The following UST variants were observed in gnomAD, a reference collection of about 807,000 sequenced individuals.
UST encodes uronyl 2-sulfotransferase, also known as chondroitin sulfate 2-O-sulfotransferase.
UST carries 21 observed loss-of-function variants against 45.6 expected under a neutral mutation model. That is an observed-to-expected ratio of 0.46 (90% CI 0.33 to 0.66). The LOEUF is 0.66. Ranked by LOEUF, UST falls within the 30% of genes least tolerant of loss-of-function variation. The probability of loss-of-function intolerance (pLI) is 0.02; values close to 1 mark genes in which losing one functional copy is unlikely to be tolerated. For synonymous variants in UST, 215 were observed against 200.6 expected (o/e 1.07, Z -0.61); for missense variants, 463 against 512.4 (o/e 0.90, Z 0.93).
chr6:149,056,181 G>GTGATC (rs10526753), intron 7 of UST, among the ~76,000 whole-genome samples: 91,621 of 137,672 alleles, frequency 0.67, 30,898 homozygotes, highest in African/African-American at 0.82. Flanking sequence ...GTGCGGTGGC[G>GTGATC]TTAGCTCACT....
intron 1 of UST, among the ~76,000 whole-genome samples, chr6:148,826,707 A>T (rs558759094): frequency 6.6e-6 from 1 of 152,202 alleles, no homozygotes; most frequent in Admixed American, 6.5e-5. Context: ...TCCACATACC[A>T]TGGGCTAAAA....
intron 1 of UST, among the ~76,000 whole-genome samples, chr6:148,875,483 T>C (rs2114822306): frequency 6.6e-6 from 1 of 152,334 alleles, no homozygotes; most frequent in South Asian, 2.1e-4. Flanking sequence ...CTTTTGATTT[T>C]GTGAATAATA....
rs147004428 is a variant in UST at position 148,886,681 on chromosome 6, A to G, written c.248-305A>G. Among the ~76,000 whole-genome samples the G allele has an allele frequency of 4.6e-5, 7 of 152,288 alleles. No individual in the cohort carries two copies. The East Asian group carries it at 1.2e-3, about 25-fold the overall frequency. ...GAAGTACAATAACATTTGAGTACCAATGGTCTAAGCTAAACTCAGCAGATA... is the reference window on the plus strand; with the variant it reads ...GAAGTACAATAACATTTGAGTACCAGTGGTCTAAGCTAAACTCAGCAGATA... On this transcript the variant is annotated intron_variant, in intron 1 of 7. Transcript: ENST00000367463.
At chr6:148,788,242 C>T (rs1181286998) in intron 1 of UST, among the ~76,000 whole-genome samples, 2 of 152,050 alleles carry the variant, frequency 1.3e-5, no homozygotes, top group Non-Finnish European at 2.9e-5. Flanking sequence ...CAATTGTCTC[C>T]CTCTGGGTCC....
At chr6:148,911,208 T>G (rs1779468083) in intron 2 of UST, among the ~76,000 whole-genome samples, 1 of 152,128 alleles carries the variant, frequency 6.6e-6, no homozygotes, top group Non-Finnish European at 1.5e-5. Context: ...TCTGAGAAGG[T>G]CACTCAGTCA....
intron 7 of UST, among the ~76,000 whole-genome samples, chr6:149,033,295 C>T (rs965042701): frequency 1.3e-5 from 2 of 152,164 alleles, no homozygotes; most frequent in Non-Finnish European, 2.9e-5. Flanking sequence ...CCTGCCGGGG[C>T]GAAGTACAAT....
chr6:148,911,523 A>G (rs1779474909), intron 2 of UST, among the ~76,000 whole-genome samples: 1 of 152,026 alleles, frequency 6.6e-6, no homozygotes, highest in Admixed American at 6.5e-5. Flanking sequence ...ATTCTTAGCA[A>G]TCTTTGGTTC....
intron 1 of UST, among the ~76,000 whole-genome samples, chr6:148,768,138 C>G (rs986414775): frequency 6.6e-6 from 1 of 152,104 alleles, no homozygotes; most frequent in Admixed American, 6.5e-5. Flanking sequence ...TTTGCCTATA[C>G]CCTTAAAAAC....
intron 1 of UST, among the ~76,000 whole-genome samples, chr6:148,756,076 A>C (rs1776092509): frequency 7.4e-6 from 1 of 134,568 alleles, no homozygotes; most frequent in Non-Finnish European, 1.5e-5. Context: ...CTCATTGTTC[A>C]ATTCCCACCT....
intron 1 of UST, among the ~76,000 whole-genome samples, chr6:148,809,037 C>T (rs1256534767): frequency 6.6e-6 from 1 of 152,250 alleles, no homozygotes; most frequent in Non-Finnish European, 1.5e-5. Context: ...GACTAAGACA[C>T]TGTCCCTCAC....
chr6:148,842,550 G>C (rs1161276344), intron 1 of UST, among the ~76,000 whole-genome samples: 15 of 152,206 alleles, frequency 9.9e-5, no homozygotes, highest in Admixed American at 9.8e-4. Flanking sequence ...GGTCCAGCCT[G>C]TAGAAGGGAG....
At chr6:148,792,941 C>T (rs1242294698) in intron 1 of UST, among the ~76,000 whole-genome samples, 2 of 152,126 alleles carry the variant, frequency 1.3e-5, no homozygotes, top group Non-Finnish European at 2.9e-5. Context: ...TAGCTACAGA[C>T]ATGATTGTTA....
chr6:148,976,272 G>A (rs554743932), intron 5 of UST, among the ~76,000 whole-genome samples: 3 of 152,152 alleles, frequency 2.0e-5, no homozygotes, highest in East Asian at 1.9e-4. Flanking sequence ...CACCTCTGGC[G>A]GGGGTGGGGG....
intron 3 of UST, among the ~76,000 whole-genome samples, chr6:148,950,052 A>G (rs202105275): frequency 6.6e-6 from 1 of 152,124 alleles, no homozygotes; most frequent in East Asian, 1.9e-4. Context: ...CCTCCCTTCC[A>G]TTGGCAGGTA....
chr6:148,901,674 C>G (rs996244480), intron 2 of UST, among the ~76,000 whole-genome samples: 2 of 152,016 alleles, frequency 1.3e-5, no homozygotes, highest in South Asian at 4.2e-4. Flanking sequence ...TCTCCTGCCT[C>G]AGCCTCCTGA....
At chr6:148,774,067 A>G (rs896653147) in intron 1 of UST, among the ~76,000 whole-genome samples, 2 of 152,184 alleles carry the variant, frequency 1.3e-5, no homozygotes, top group Non-Finnish European at 2.9e-5. Flanking sequence ...GTGAATGACT[A>G]GTGACTACAG....
intron 5 of UST, among the ~76,000 whole-genome samples, chr6:149,010,454 C>A (rs1373926451): frequency 6.6e-6 from 1 of 152,198 alleles, no homozygotes; most frequent in Non-Finnish European, 1.5e-5. Flanking sequence ...GGCACTACAG[C>A]TTCCACAGGG....
At chr6:148,766,894 G>A (rs539349180) in intron 1 of UST, among the ~76,000 whole-genome samples, 2 of 152,266 alleles carry the variant, frequency 1.3e-5, no homozygotes, top group South Asian at 4.2e-4. Context: ...TACTATTTAG[G>A]GATGCTTTAT....
intron 5 of UST, among the ~76,000 whole-genome samples, chr6:149,013,622 A>T (rs1184468036): frequency 6.6e-6 from 1 of 152,180 alleles, no homozygotes; most frequent in East Asian, 1.9e-4. Context: ...AGGCTCAGAG[A>T]TGGCACGATT....
Sources: gnomAD v4.1 joint callset for allele counts (sites outside exome capture counted in the v4.1 genomes callset) on GRCh38, gnomAD v4.1.1 for gene constraint, MANE v1.5 for transcripts, NCBI Gene and HGNC (gene_info 2026-07-23, HGNC 2026-07-21) for gene names.